TRAK1: variants seen among roughly 807,000 people sequenced by gnomAD.
TRAK1 encodes trafficking kinesin-binding protein 1.
TRAK1 carries 33 observed loss-of-function variants against 92.1 expected under a neutral mutation model. That is an observed-to-expected ratio of 0.36 (90% CI 0.27 to 0.48). The LOEUF is 0.48. TRAK1 is among the 20% of genes least tolerant of loss of function. The probability of loss-of-function intolerance (pLI) is 0.99; values close to 1 mark genes in which losing one functional copy is unlikely to be tolerated. For synonymous variants in TRAK1, 521 were observed against 517.3 expected, an observed-to-expected ratio of 1.01 and a Z score of -0.10; for missense variants, 1,123 against 1,257.9, an observed-to-expected ratio of 0.89 and a Z score of 1.62.
intron 1 of TRAK1, among the ~76,000 whole-genome samples, chr3:42,092,725 TA>T (rs1184250819): frequency 2.2e-5 from 3 of 137,052 alleles, no homozygotes; most frequent in Non-Finnish European, 4.8e-5. Flanking sequence ...TATGTTATGT[TA>T]TGTTATGTTA....
intron 10 of TRAK1, among the ~76,000 whole-genome samples, chr3:42,196,390 G>T (rs1201196196): frequency 6.6e-6 from 1 of 152,124 alleles, no homozygotes; most frequent in Non-Finnish European, 1.5e-5. Flanking sequence ...CGAAATTTGG[G>T]GGGGGCCTGT....
rs749028377 is a variant in TRAK1 at position 42,189,106 on chromosome 3, T to C, written c.672T>C (p.Asn224=). 1 of 1,613,870 alleles carries C rather than the reference T, an allele frequency of 6.2e-7. No individual in the cohort carries two copies. The highest frequency in any genetic ancestry group is 8.5e-7 in the Non-Finnish European group (1 of 1,179,696). Residue 224 remains asparagine, a synonymous_variant, in exon 6 of 16, where the codon AAT becomes AAC. Transcript: ENST00000327628. ...AGCTGAAAGACCTTGAAGAGGAGAATGTTGTACTTCGATCCGAGGTGATGT... is the reference window on the plus strand; with the variant it reads ...AGCTGAAAGACCTTGAAGAGGAGAACGTTGTACTTCGATCCGAGGTGATGT... The part of the protein sequence containing the change: ...QKKLKDLEEE[N]VVLRSEASQL...
chr3:42,090,550 G>A (rs1038566494), upstream of TRAK1, among the ~76,000 whole-genome samples: 7 of 152,196 alleles, frequency 4.6e-5, no homozygotes, highest in African/African-American at 1.7e-4. Context: ...GCCAGGCATG[G>A]TGACGGACGC....
intron 1 of TRAK1, among the ~76,000 whole-genome samples, chr3:42,023,539 G>T (rs1035628312): frequency 6.6e-6 from 1 of 152,060 alleles, no homozygotes; most frequent in Non-Finnish European, 1.5e-5. Flanking sequence ...AGGTGAGAGA[G>T]GGTGGGGGTT....
At chr3:42,025,806 A>G (rs1301214382) in intron 1 of TRAK1, among the ~76,000 whole-genome samples, 1 of 152,176 alleles carries the variant, frequency 6.6e-6, no homozygotes, top group Admixed American at 6.5e-5. Flanking sequence ...CTGTGCTATT[A>G]TTAGGGCTTT....
chr3:42,097,725 T>A (rs1706145847), intron 1 of TRAK1, among the ~76,000 whole-genome samples: 1 of 152,242 alleles, frequency 6.6e-6, no homozygotes, highest in Admixed American at 6.5e-5. Flanking sequence ...TTTCGAATTC[T>A]GGATTTTGAA....
At chr3:42,171,962 CTCCAT>C (rs1406876990) in intron 2 of TRAK1, among the ~76,000 whole-genome samples, 3 of 152,162 alleles carry the variant, frequency 2.0e-5, no homozygotes, top group Non-Finnish European at 4.4e-5. Flanking sequence ...CTCACTCCAC[CTCCAT>C]CCCCCCTCTC....
Position 42,160,571 on chromosome 3 carries a change from T to C in TRAK1, c.287-16243T>C. ...TTTCATAGCACTGTTTTGTTTTTGTTTTTTTTTAAGTTGAGGTATAAGTTA... is the reference window on the plus strand; with the variant it reads ...TTTCATAGCACTGTTTTGTTTTTGTCTTTTTTTAAGTTGAGGTATAAGTTA... On this transcript the variant is annotated intron_variant, in intron 2 of 15. Transcript: ENST00000327628. The C allele has an allele frequency of 2.9e-6, 4 of 1,364,552 alleles. No homozygotes were observed. The Admixed American group carries it at 7.9e-5, about 27-fold the overall frequency. The allele number at this position is 1,364,552 out of a possible 1,614,324, so 84.5% of individuals were successfully genotyped here.
chr3:42,139,234 C>G (rs1698367596), intron 2 of TRAK1, among the ~76,000 whole-genome samples: 1 of 152,168 alleles, frequency 6.6e-6, no homozygotes, highest in South Asian at 2.1e-4. Context: ...TGTTTACAGG[C>G]AAGGACCTAA....
chr3:42,194,354 T>C (rs1706276921), intron 9 of TRAK1, among the ~76,000 whole-genome samples: 1 of 151,788 alleles, frequency 6.6e-6, no homozygotes, highest in African/African-American at 2.4e-5. Flanking sequence ...CAGGTGATCC[T>C]CCTGAGTATC....
At chr3:42,066,438 A>C (rs1347041474) in intron 1 of TRAK1, among the ~76,000 whole-genome samples, 2 of 152,042 alleles carry the variant, frequency 1.3e-5, no homozygotes, top group Admixed American at 1.3e-4. Flanking sequence ...AGAGAGAGAG[A>C]GAGAGAGCAC....
chr3:42,208,444 C>T (rs6605324), intron 13 of TRAK1, among the ~76,000 whole-genome samples: 1 of 151,940 alleles, frequency 6.6e-6, no homozygotes, highest in Admixed American at 6.5e-5. Context: ...GCACACCATG[C>T]GGCCTCTCCC....
chr3:42,182,299 CTTT>C (rs57384116), intron 3 of TRAK1, among the ~76,000 whole-genome samples: 9,792 of 144,282 alleles, frequency 0.068, 321 homozygotes, highest in Middle Eastern at 0.085. Context: ...GCAACTCTCT[CTTT>C]TTTTTTTTTT....
At chr3:42,022,007 G>A (rs1438585393) in intron 1 of TRAK1, among the ~76,000 whole-genome samples, 2 of 152,168 alleles carry the variant, frequency 1.3e-5, no homozygotes, top group African/African-American at 4.8e-5. Flanking sequence ...TTTGGAACAG[G>A]TATTCTGTGC....
At chr3:42,163,070 C>T (rs974368857) in intron 2 of TRAK1, among the ~76,000 whole-genome samples, 3 of 152,168 alleles carry the variant, frequency 2.0e-5, no homozygotes, top group African/African-American at 7.2e-5. Context: ...TTAAAACATT[C>T]GAGGTCAAAT....
chr3:42,126,517 A>G (rs1366164002), intron 2 of TRAK1, among the ~76,000 whole-genome samples: 1 of 152,218 alleles, frequency 6.6e-6, no homozygotes, highest in East Asian at 1.9e-4. Context: ...GAAAAAAAGG[A>G]TAATTTAAAA....
intron 1 of TRAK1, among the ~76,000 whole-genome samples, chr3:42,073,347 C>T (rs141147695): frequency 6.6e-4 from 100 of 152,352 alleles, no homozygotes; most frequent in African/African-American, 2.4e-3. Flanking sequence ...TGGTCACACA[C>T]ACCGTCTTCC....
chr3:42,208,324 T>C (rs966341435), intron 13 of TRAK1, among the ~76,000 whole-genome samples: 1 of 152,184 alleles, frequency 6.6e-6, no homozygotes, highest in African/African-American at 2.4e-5. Context: ...TTTTTTTCCT[T>C]TTGAGTGGAT....
At chr3:42,213,658 C>T (rs769047238) in intron 14 of TRAK1, among the ~76,000 whole-genome samples, 21 of 152,178 alleles carry the variant, frequency 1.4e-4, no homozygotes, top group Non-Finnish European at 2.4e-4. Context: ...GTATCCTGTC[C>T]CCTCTTCAGT....
Sources: allele counts gnomAD v4.1 joint callset (sites outside exome capture counted in the v4.1 genomes callset), GRCh38; gene constraint gnomAD v4.1.1; transcripts MANE v1.5; gene names NCBI Gene and HGNC (gene_info 2026-07-23, HGNC 2026-07-21).